The following MAP1B variants were observed in gnomAD, a reference collection of about 807,000 sequenced individuals.
The protein encoded by MAP1B is microtubule-associated protein 1B.
MAP1B carries 12 observed loss-of-function variants against 176.1 expected under a neutral mutation model. That is an observed-to-expected ratio of 0.07 (90% CI 0.04 to 0.11). The LOEUF is 0.11. Ranked by LOEUF, MAP1B falls within the 10% of genes least tolerant of loss-of-function variation. The pLI is 1.00. For missense variants in MAP1B, 2,523 were observed against 2,990.5 expected, an observed-to-expected ratio of 0.84 and a Z score of 3.65; for synonymous variants, 1,044 against 1,135.0, an observed-to-expected ratio of 0.92 and a Z score of 1.61.
intron 2 of MAP1B, among the ~76,000 whole-genome samples, chr5:72,156,303 T>G (rs935725371): frequency 1.3e-5 from 2 of 152,204 alleles, no homozygotes; most frequent in African/African-American, 2.4e-5. Context: ...CTGAATTTCT[T>G]AAGCCCTCTC....
intron 4 of MAP1B, among the ~76,000 whole-genome samples, chr5:72,193,074 G>A (rs75358886): frequency 0.01 from 1,539 of 152,316 alleles, 22 homozygotes; most frequent in African/African-American, 0.035. Flanking sequence ...AATGGGGAAC[G>A]AACTTGGCCA....
At position 72,198,946 on chromosome 5, in the gene MAP1B, C is replaced by T. The variant is rs1451239294; in HGVS notation, c.5591C>T (p.Thr1864Ile). 6 of 1,614,086 alleles carry T rather than the reference C, an allele frequency of 3.7e-6. No individual in the cohort carries two copies. The Admixed American group carries it at 5.0e-5, about 13-fold the overall frequency. ...CTGGAGAAGGACAGTGGAGGGAAGA[C>T]ACCTGGTGACTTTAGCTATGCCTAT... is the stretch of plus-strand genomic sequence containing the variant. Reference protein sequence around the residue: ...PGLEKDSGGKTPGDFSYAYQK... With the variant: ...PGLEKDSGGKIPGDFSYAYQK... Residue 1864 changes from threonine to isoleucine, a missense_variant, in exon 5 of 7, where the codon ACA becomes ATA. Physicochemically the swap from Thr to Ile is moderately conservative, Grantham distance 89. Around this residue, in one of 4 missense-constraint regions of MAP1B, gnomAD observed 1,925 missense variants for 2,126.0 expected, o/e 0.91. Transcript: ENST00000296755.
chr5:72,121,317 A>T (rs972625532), intron 2 of MAP1B, among the ~76,000 whole-genome samples: 3 of 152,208 alleles, frequency 2.0e-5, no homozygotes, highest in African/African-American at 7.2e-5. Context: ...TAAGAAACAG[A>T]TTTCTTGTGG....
chr5:72,128,401 A>G (rs1401766405), intron 2 of MAP1B, among the ~76,000 whole-genome samples: 1 of 123,484 alleles, frequency 8.1e-6, no homozygotes, highest in African/African-American at 3.1e-5. Context: ...GATTGCAGAT[A>G]TTGTTTTAAA....
chr5:72,159,406 T>A (rs571523412), intron 2 of MAP1B, among the ~76,000 whole-genome samples: 23 of 147,906 alleles, frequency 1.6e-4, no homozygotes, highest in Non-Finnish European at 1.9e-4. Context: ...AGCAAAAATG[T>A]CTGGTGTCTG....
chr5:72,174,589 C>T (rs545037704), intron 2 of MAP1B, among the ~76,000 whole-genome samples: 10 of 152,170 alleles, frequency 6.6e-5, no homozygotes, highest in South Asian at 2.1e-4. Context: ...GCTAGGCTTG[C>T]GGGGGCCACA....
At chr5:72,130,602 A>G (rs997296365) in intron 2 of MAP1B, among the ~76,000 whole-genome samples, 4 of 152,252 alleles carry the variant, frequency 2.6e-5, no homozygotes, top group Admixed American at 6.5e-5. Flanking sequence ...TTATTTACAA[A>G]AACTATCAAT....
chr5:72,165,099 T>A (rs1484167989), intron 2 of MAP1B, among the ~76,000 whole-genome samples: 2 of 152,236 alleles, frequency 1.3e-5, no homozygotes, highest in African/African-American at 4.8e-5. Context: ...ACTTTACAAA[T>A]AAAAGGTAAT....
chr5:72,197,368 A>T lies in MAP1B; in HGVS notation c.4013A>T (p.Gln1338Leu). 1 of 1,614,170 alleles carries T rather than the reference A, an allele frequency of 6.2e-7. No individual in the cohort carries two copies. The highest frequency in any genetic ancestry group is 1.3e-5 in the African/African-American group (1 of 75,026). Residue 1338 changes from glutamine to leucine, a missense_variant, in exon 5 of 7, where the codon CAA becomes CTA. Gln to Leu is a moderately radical substitution (Grantham distance 113, BLOSUM62 -2). Around this residue, in one of 4 missense-constraint regions of MAP1B, gnomAD observed 1,925 missense variants for 2,126.0 expected, o/e 0.91. Coordinates refer to ENST00000296755, the MANE Select transcript of MAP1B (RefSeq NM_005909.5). The part of the protein sequence containing the change: ...TGSAGHTPYY[Q>L]SPTDEKSSHL... ...AGTGCTGGTCACACACCTTACTATC[A>T]ATCTCCTACTGACGAGAAATCCAGT...
At chr5:72,175,312 C>T (rs1746631164) in intron 2 of MAP1B, among the ~76,000 whole-genome samples, 1 of 152,030 alleles carries the variant, frequency 6.6e-6, no homozygotes, top group South Asian at 2.1e-4. Context: ...GGAGTTGGCT[C>T]ACCTGACAGG....
rs749045605 is a variant in MAP1B at position 72,194,467 on chromosome 5, A to G, written c.1112A>G (p.Asn371Ser). The change falls in exon 5 of 7, where the codon AAC becomes AGC. Residue 371 changes from asparagine to serine, a missense_variant. Physicochemically the swap from Asn to Ser is conservative, Grantham distance 46 (BLOSUM62 1). Around this residue, in one of 4 missense-constraint regions of MAP1B, gnomAD observed 1,925 missense variants for 2,126.0 expected, o/e 0.91. Transcript: ENST00000296755. The surrounding 1 kb of genome is among the most constrained non-coding windows in gnomAD (Gnocchi z 7.2). Reference protein sequence around the residue: ...VPENLKNPEPNIKMKRSIEEA... With the variant: ...VPENLKNPEPSIKMKRSIEEA... Reference sequence around the variant, plus strand: ...GAAAATCTCAAAAATCCAGAGCCAAACATCAAGATGAAGAGAAGCATAGAA... The same window carrying G: ...GAAAATCTCAAAAATCCAGAGCCAAGCATCAAGATGAAGAGAAGCATAGAA... 2.5e-6 allele frequency: 4 copies of G among 1,614,066 alleles called. No individual in the cohort carries two copies. The highest frequency in any genetic ancestry group is 3.4e-6 in the Non-Finnish European group (4 of 1,180,032).
intron 2 of MAP1B, among the ~76,000 whole-genome samples, chr5:72,134,621 G>A (rs573123121): frequency 6.6e-6 from 1 of 152,078 alleles, no homozygotes; most frequent in South Asian, 2.1e-4. Context: ...AAGCAGGCAT[G>A]TGCTGACTGC....
At chr5:72,183,068 C>T (rs1054281352) in intron 2 of MAP1B, among the ~76,000 whole-genome samples, 104 of 152,202 alleles carry the variant, frequency 6.8e-4, no homozygotes, top group South Asian at 2.1e-4. Context: ...CTTAGACAGG[C>T]GGTCATCACA....
intron 2 of MAP1B, 68 bp downstream of exon 2, chr5:72,115,867 G>A: frequency 9.0e-7 from 1 of 1,115,762 alleles, no homozygotes; most frequent in South Asian, 1.2e-5. Flanking sequence ...AGAAAGCTTT[G>A]TCTGAGGCAG....
chr5:72,110,517 C>A (rs1426053963), intron 1 of MAP1B, among the ~76,000 whole-genome samples: 1 of 152,196 alleles, frequency 6.6e-6, no homozygotes, highest in South Asian at 2.1e-4. Context: ...CAGGCTGGTC[C>A]TGTTTTCCTG....
chr5:72,164,759 T>G (rs1377224286), intron 2 of MAP1B, among the ~76,000 whole-genome samples: 1 of 152,170 alleles, frequency 6.6e-6, no homozygotes, highest in East Asian at 1.9e-4. Context: ...AGGCTTGTGG[T>G]CTTAAACAGA....
intron 2 of MAP1B, among the ~76,000 whole-genome samples, chr5:72,123,416 G>A (rs549769679): frequency 3.3e-5 from 5 of 151,852 alleles, no homozygotes; most frequent in South Asian, 2.1e-4. Flanking sequence ...CTACCCTCTC[G>A]TCTCAGCCTC....
In MAP1B at chr5:72,207,376, C is replaced by G. The variant is rs1309315028; in HGVS notation, c.*2137C>G. The stretch of plus-strand genomic sequence containing the variant: ...TTTTGTCTGATAAGTCTATGTTTTG[C>G]ACTGCTAACTATGATGAGGGTTTAA... On this transcript the variant is annotated 3_prime_UTR_variant, in exon 7 of 7. Transcript: ENST00000296755. 6.6e-6 allele frequency: 1 copy of G among 152,166 alleles called. No homozygotes were observed. The highest frequency in any genetic ancestry group is 1.9e-4 in the East Asian group (1 of 5,200). 9.4% of individuals were successfully genotyped at this position (152,166 alleles called of 1,614,324 possible).
At chr5:72,146,870 A>C (rs1746054093) in intron 2 of MAP1B, among the ~76,000 whole-genome samples, 1 of 152,214 alleles carries the variant, frequency 6.6e-6, no homozygotes, top group Non-Finnish European at 1.5e-5. Context: ...GGGCAACTGA[A>C]AACTTTTTCA....
Sources: gnomAD v4.1 joint callset for allele counts (sites outside exome capture counted in the v4.1 genomes callset) on GRCh38, gnomAD v4.1.1 for gene constraint, gnomAD v4.1.1 regional missense constraint, Gnocchi (gnomAD v3.1) non-coding constraint, MANE v1.5 for transcripts, NCBI Gene and HGNC (gene_info 2026-07-23, HGNC 2026-07-21) for gene names.